TCHP: variants seen among roughly 807,000 people sequenced by gnomAD.
TCHP encodes the protein trichoplein keratin filament-binding protein.
TCHP carries 81 observed loss-of-function variants against 88.7 expected under a neutral mutation model. The observed-to-expected ratio is 0.91, with a 90% confidence interval of 0.76 to 1.10. The LOEUF (loss-of-function observed/expected upper bound fraction) is 1.10. Ranked by LOEUF, TCHP falls within the 50% of genes least tolerant of loss-of-function variation. The pLI is 0.00. For synonymous variants in TCHP, 232 were observed against 232.5 expected, an observed-to-expected ratio of 1.00 and a Z score of 0.02; for missense variants, 641 against 632.1, an observed-to-expected ratio of 1.01 and a Z score of -0.15.
Position 109,916,631 on chromosome 12 carries a change from G to A in TCHP, c.*8G>A, listed in dbSNP as rs764862945. Reference sequence around the variant, plus strand: ...AAAATTGCTTGGAACTGACTTCATGGGTACCATAAGTACAGAGAACAAGGG... The same window carrying A: ...AAAATTGCTTGGAACTGACTTCATGAGTACCATAAGTACAGAGAACAAGGG... On this transcript the variant is annotated 3_prime_UTR_variant, in exon 13 of 13. Coordinates refer to ENST00000405876, the MANE Select transcript of TCHP (RefSeq NM_001143852.2). 6 of 1,613,040 alleles carry A rather than the reference G, an allele frequency of 3.7e-6. No individual in the cohort carries two copies. The highest frequency in any genetic ancestry group is 2.2e-5 in the South Asian group (2 of 90,804).
At chr12:109,902,141 G>C (rs1187511667) in intron 1 of TCHP, among the ~76,000 whole-genome samples, 1 of 152,054 alleles carries the variant, frequency 6.6e-6, no homozygotes, top group Non-Finnish European at 1.5e-5. Flanking sequence ...GTGATGGCTG[G>C]CCCACAGCTG....
the TCHP span, among the ~76,000 whole-genome samples, chr12:109,887,122 G>A: frequency 5.9e-5 from 9 of 151,806 alleles, no homozygotes; most frequent in South Asian, 2.1e-4. Context: ...TCTTCTATCC[G>A]TATTGAAAAC....
In TCHP at chr12:109,916,764, A is replaced by C; in HGVS notation, c.*141A>C. 1.4e-6 allele frequency: 1 copy of C among 732,238 alleles called. No individual in the cohort carries two copies. The highest frequency in any genetic ancestry group is 2.3e-6 in the Non-Finnish European group (1 of 439,082). 45.4% of individuals were successfully genotyped at this position (732,238 alleles called of 1,614,324 possible). A position where few individuals can be genotyped will look rare whatever the true frequency, so the allele number is the denominator to read the frequency against. ...TCAGCAGTGCCTGCTCAGGTTCATC[A>C]TTGAAACATCCCAGTGTTTGGCCAG... On this transcript the variant is annotated 3_prime_UTR_variant, in exon 13 of 13. Transcript: ENST00000405876.
At chr12:109,909,822 C>T (rs778784439) in intron 8 of TCHP, among the ~76,000 whole-genome samples, 31 of 152,250 alleles carry the variant, frequency 2.0e-4, no homozygotes, top group Non-Finnish European at 3.4e-4. Flanking sequence ...AAAAATTAGC[C>T]GGGTGTGGTG....
Position 109,904,000 on chromosome 12 carries a change from G to A in TCHP, c.252G>A (p.Arg84=). ...EEKRRSLEAR[R]EKLRQLMQEE... Reference sequence around the variant, plus strand: ...AGAGGAGGAGTCTGGAGGCCCGACGGGAAAAGCTCAGGCAGCTCATGCAGG... The same window carrying A: ...AGAGGAGGAGTCTGGAGGCCCGACGAGAAAAGCTCAGGCAGCTCATGCAGG... Residue 84 remains arginine (R), a synonymous_variant, in exon 3 of 13, where the codon CGG becomes CGA. Coordinates refer to ENST00000405876, the MANE Select transcript of TCHP (RefSeq NM_001143852.2). The surrounding 1 kb of genome is among the most constrained non-coding windows in gnomAD (Gnocchi z 4.6). 6.2e-7 allele frequency: 1 copy of A among 1,611,378 alleles called. No homozygotes were observed. Among genetic ancestry groups the A allele is most frequent in the Non-Finnish European group, 8.5e-7 (1 of 1,178,878 alleles).
rs77425422 is a variant in TCHP, at chr12:109,901,895, T to C, written c.1-1132T>C. 2.5e-3 allele frequency among the ~76,000 whole-genome samples: 385 copies of C among 152,248 alleles called. 2 individuals are homozygous for C. Among genetic ancestry groups the C allele is most frequent in the African/African-American group, 8.8e-3 (367 of 41,572 alleles). ...AAGGACTCTTAATTTCGTCTCAAAC[T>C]GTGGCGTTTCTCTAACTCGCTCGGG... On this transcript the variant is annotated intron_variant, in intron 1 of 12. Transcript: ENST00000405876.
At chr12:109,882,121 C>T in the TCHP span, among the ~76,000 whole-genome samples, 2 of 152,120 alleles carry the variant, frequency 1.3e-5, no homozygotes, top group African/African-American at 4.8e-5. Flanking sequence ...ATGACTGAAG[C>T]CTGTTGGCTG....
At chr12:109,912,451 A>G (rs1870560287) in intron 9 of TCHP, among the ~76,000 whole-genome samples, 1 of 152,176 alleles carries the variant, frequency 6.6e-6, no homozygotes. Flanking sequence ...AAGTCATCCC[A>G]ATTCCTTTTT....
intron 11 of TCHP, 176 bp from the exon 12 acceptor site, chr12:109,915,227 A>G (rs1307330365): frequency 2.5e-6 from 2 of 794,490 alleles, no homozygotes; most frequent in African/African-American, 1.7e-5. Context: ...GGTACACACC[A>G]TGCATACAGC....
chr12:109,912,528 C>T (rs192881567), intron 9 of TCHP, among the ~76,000 whole-genome samples: 5 of 152,284 alleles, frequency 3.3e-5, no homozygotes, highest in Admixed American at 2.6e-4. Flanking sequence ...CGGTGGCTCA[C>T]GCTTGTAATC....
At chr12:109,892,933 C>T in the TCHP span, among the ~76,000 whole-genome samples, 1 of 152,200 alleles carries the variant, frequency 6.6e-6, no homozygotes, top group Non-Finnish European at 1.5e-5. Context: ...CCTCTACACA[C>T]GGAGTCTACC....
intron 8 of TCHP, 77 bp downstream of exon 8, chr12:109,909,014 T>G: frequency 7.4e-7 from 1 of 1,347,874 alleles, no homozygotes; most frequent in South Asian, 1.2e-5. Flanking sequence ...AGTATATGAG[T>G]GCATTCTCGT....
At chr12:109,907,750 CATGAG>C in intron 6 of TCHP, 51 bp downstream of exon 6, 1 of 1,542,734 alleles carries the variant, frequency 6.5e-7, no homozygotes, top group Non-Finnish European at 8.8e-7. Flanking sequence ...TGCTCGTTAG[CATGAG>C]ATGGGCACTT....
At chr12:109,890,699 C>T in the TCHP span, among the ~76,000 whole-genome samples, 61 of 152,030 alleles carry the variant, frequency 4.0e-4, no homozygotes, top group African/African-American at 1.4e-3. Flanking sequence ...TAGTAGAGAC[C>T]GGCTTTCACC....
rs1171020210 is a variant in TCHP at position 109,903,942 on chromosome 12, A to ATGCC, written c.196_199dup (p.Tyr67CysfsTer71). 5 of 1,605,826 alleles carry ATGCC rather than the reference A, an allele frequency of 3.1e-6. No homozygotes were observed. The highest frequency in any genetic ancestry group is 4.2e-6 in the Non-Finnish European group (5 of 1,176,864). ...GCAGGCCCCCTCTCACCCAGCATGCATGCCTATCAGCGGGAGAAGATGAAG... is the reference window on the plus strand; with the variant it reads ...GCAGGCCCCCTCTCACCCAGCATGCATGCCTGCCTATCAGCGGGAGAAGATGAAG... On this transcript the variant is annotated frameshift_variant, in exon 3 of 13. Transcript: ENST00000405876. LOFTEE classifies it high-confidence loss of function. The surrounding 1 kb of genome is among the most constrained non-coding windows in gnomAD (Gnocchi z 4.6).
chr12:109,884,928 C>A, the TCHP span, among the ~76,000 whole-genome samples: 2 of 152,224 alleles, frequency 1.3e-5, no homozygotes, highest in Non-Finnish European at 2.9e-5. Context: ...AATCCTCAGA[C>A]CTTATTCAAG....
At chr12:109,906,792 A>G (rs919430161) in intron 5 of TCHP, 152 bp downstream of exon 5, 12 of 656,526 alleles carry the variant, frequency 1.8e-5, no homozygotes, top group Non-Finnish European at 2.9e-5. Flanking sequence ...TGAAAACTGA[A>G]TGTTTGCTCT....
At chr12:109,898,922 G>A (rs1373607822), upstream of TCHP, among the ~76,000 whole-genome samples, 1 of 152,164 alleles carries the variant, frequency 6.6e-6, no homozygotes, top group Non-Finnish European at 1.5e-5. Context: ...AGGTTCAAGC[G>A]ATTCTCCTGC....
At position 109,903,096 on chromosome 12, in the gene TCHP, C is replaced by T. The variant is rs753327632; in HGVS notation, c.70C>T (p.Arg24Ter). ...QRLNQQLARQ[R>*]EQEARLRQQW... ...CCTGAATCAGCAGCTAGCACGACAG[C>T]GAGAGCAGGAGGCCCGGCTTCGGCA... The change falls in exon 2 of 13, where the codon CGA becomes TGA. Residue 24 changes from arginine (R) to a stop codon, truncating the protein, a stop_gained. Transcript: ENST00000405876. LOFTEE classifies it high-confidence loss of function. The surrounding 1 kb of genome is among the most constrained non-coding windows in gnomAD (Gnocchi z 4.6). The T allele has an allele frequency of 1.7e-5, 27 of 1,613,812 alleles. No homozygotes were observed. Among genetic ancestry groups the T allele is most frequent in the Non-Finnish European group, 1.6e-5 (19 of 1,179,908 alleles).
Sources: allele counts gnomAD v4.1 joint callset (sites outside exome capture counted in the v4.1 genomes callset), GRCh38; gene constraint gnomAD v4.1.1; non-coding constraint Gnocchi (gnomAD v3.1); transcripts MANE v1.5; gene names NCBI Gene and HGNC (gene_info 2026-07-23, HGNC 2026-07-21).